BBOX1: variants seen among roughly 807,000 people sequenced by gnomAD.
BBOX1 encodes gamma-butyrobetaine hydroxylase 1.
A neutral mutation model predicts 41.6 loss-of-function variants in BBOX1; 35 were observed. That is an observed-to-expected ratio of 0.84 (90% CI 0.64 to 1.11). The LOEUF (loss-of-function observed/expected upper bound fraction) is 1.11, where lower values mean the gene tolerates loss of function less well. BBOX1 is among the 50% of genes most tolerant of loss of function. The pLI is 0.00. For missense variants in BBOX1, 458 were observed against 460.6 expected (o/e 0.99, Z 0.05); for synonymous variants, 163 against 154.7 (o/e 1.05, Z -0.40).
In BBOX1 at chr11:27,040,922, A is replaced by G. The variant is rs531238252; in HGVS notation, c.-408A>G. The G allele has an allele frequency of 7.9e-5, 12 of 152,268 alleles. No individual in the cohort carries two copies. In the East Asian group the frequency reaches 2.1e-3, roughly 27 times the overall value. The allele number at this position is 152,268 out of a possible 1,614,324, so 9.4% of individuals were successfully genotyped here. A position where few individuals can be genotyped will look rare whatever the true frequency, so the allele number is the denominator to read the frequency against. ...CATCTCAATGCCTCTGCCCTAAGTG[A>G]GTTGTGCAATAAATGAGCTGTCACT... On this transcript the variant is annotated 5_prime_UTR_variant, in exon 1 of 9. Transcript: ENST00000263182.
chr11:27,113,923 A>G (rs1045368144), intron 5 of BBOX1, among the ~76,000 whole-genome samples: 15 of 151,876 alleles, frequency 9.9e-5, no homozygotes, highest in Admixed American at 2.0e-4. Context: ...ATTAGACAAT[A>G]GAAATAAAGG....
At chr11:27,097,054 A>G (rs1333911416) in intron 5 of BBOX1, among the ~76,000 whole-genome samples, 1 of 152,054 alleles carries the variant, frequency 6.6e-6, no homozygotes, top group African/African-American at 2.4e-5. Flanking sequence ...CTTTCCTAGG[A>G]CAAAAGAATA....
intron 4 of BBOX1, among the ~76,000 whole-genome samples, chr11:27,082,415 G>C (rs1218821324): frequency 6.6e-6 from 1 of 152,134 alleles, no homozygotes; most frequent in Non-Finnish European, 1.5e-5. Flanking sequence ...GGATGTCATA[G>C]AGGAGAGTCA....
chr11:27,098,582 G>A (rs1466044638), intron 5 of BBOX1, among the ~76,000 whole-genome samples: 1 of 152,008 alleles, frequency 6.6e-6, no homozygotes. Flanking sequence ...AGCAATGCAT[G>A]GCTTTATCAT....
intron 2 of BBOX1, among the ~76,000 whole-genome samples, chr11:27,049,848 A>C (rs1851615498): frequency 6.6e-6 from 1 of 151,924 alleles, no homozygotes; most frequent in Non-Finnish European, 1.5e-5. Context: ...CTGTGCAGGG[A>C]TTTAATTCAA....
rs1856990417 is a variant in BBOX1 at position 27,056,724 on chromosome 11, A to G, written c.220-477A>G. Among the ~76,000 whole-genome samples the G allele has an allele frequency of 3.9e-5, 6 of 152,048 alleles. No individual in the cohort carries two copies. The South Asian group carries it at 1.2e-3, about 31-fold the overall frequency. On this transcript the variant is annotated intron_variant, in intron 3 of 8. Coordinates refer to ENST00000263182, the MANE Select transcript of BBOX1 (RefSeq NM_003986.3). Reference sequence around the variant, plus strand: ...TTTAAGGGCCTCAGACCTCAGATGTATTACTTTGGCTTCCTTGTTTTCCAA... The same window carrying G: ...TTTAAGGGCCTCAGACCTCAGATGTGTTACTTTGGCTTCCTTGTTTTCCAA...
chr11:27,105,782 A>G (rs916293840), intron 5 of BBOX1, among the ~76,000 whole-genome samples: 1 of 152,170 alleles, frequency 6.6e-6, no homozygotes, highest in African/African-American at 2.4e-5. Flanking sequence ...TCCAAGACAC[A>G]TAACTGTCAG....
chr11:27,124,292 C>T (rs771428831), intron 7 of BBOX1, among the ~76,000 whole-genome samples: 11 of 152,142 alleles, frequency 7.2e-5, no homozygotes, highest in Non-Finnish European at 1.2e-4. Context: ...ATCCTAGGTA[C>T]TTTGCCACCA....
At chr11:27,067,287 A>T (rs1299345924) in intron 4 of BBOX1, among the ~76,000 whole-genome samples, 1 of 152,106 alleles carries the variant, frequency 6.6e-6, no homozygotes, top group Non-Finnish European at 1.5e-5. Flanking sequence ...TGAATAGCAC[A>T]GTGGTGGAGT....
chr11:27,092,028 A>T (rs908140363), intron 4 of BBOX1, among the ~76,000 whole-genome samples: 20 of 152,046 alleles, frequency 1.3e-4, no homozygotes, highest in African/African-American at 4.8e-4. Flanking sequence ...GAAGAGCAAG[A>T]AGTGGCTCCG....
intron 4 of BBOX1, among the ~76,000 whole-genome samples, chr11:27,088,167 G>A (rs1025992853): frequency 6.6e-6 from 1 of 152,014 alleles, no homozygotes; most frequent in African/African-American, 2.4e-5. Context: ...GAAGTATGTA[G>A]TGTGTGCCCT....
At chr11:27,108,424 T>C (rs975990436) in intron 5 of BBOX1, among the ~76,000 whole-genome samples, 1 of 152,148 alleles carries the variant, frequency 6.6e-6, no homozygotes, top group East Asian at 1.9e-4. Context: ...TTAGAAGATA[T>C]TATGCATTCT....
At chr11:27,055,720 A>T in intron 3 of BBOX1, 71 bp downstream of exon 3, 1 of 1,416,178 alleles carries the variant, frequency 7.1e-7, no homozygotes, top group Non-Finnish European at 9.7e-7. Context: ...AATAATTTAG[A>T]TAACTCTTTT....
Position 27,055,384 on chromosome 11 carries a change from T to G in BBOX1, c.-38-9T>G. The stretch of plus-strand genomic sequence containing the variant: ...GCCTGAGATTCCTTTTAACACTGAT[T>G]TGTCATAGCAGGTAGCTGACAGCAT... On this transcript the variant is annotated splice_polypyrimidine_tract_variant and intron_variant, in intron 2 of 8. Transcript: ENST00000263182. The G allele has an allele frequency of 6.3e-7, 1 of 1,577,890 alleles. No individual in the cohort carries two copies. Among genetic ancestry groups the G allele is most frequent in the Non-Finnish European group, 8.7e-7 (1 of 1,151,004 alleles).
intron 4 of BBOX1, among the ~76,000 whole-genome samples, chr11:27,058,305 C>A (rs555398259): frequency 3.9e-5 from 6 of 152,176 alleles, no homozygotes; most frequent in Non-Finnish European, 7.4e-5. Flanking sequence ...GTATAGCCTG[C>A]AAAACCATGA....
intron 7 of BBOX1, among the ~76,000 whole-genome samples, chr11:27,120,057 A>C (rs1859409678): frequency 6.6e-6 from 1 of 152,166 alleles, no homozygotes; most frequent in Non-Finnish European, 1.5e-5. Flanking sequence ...GAGGAAAAGT[A>C]ACTAAGATTT....
At chr11:27,068,255 A>T (rs545886980) in intron 4 of BBOX1, among the ~76,000 whole-genome samples, 4 of 152,238 alleles carry the variant, frequency 2.6e-5, no homozygotes, top group African/African-American at 9.6e-5. Flanking sequence ...TGACTTTTTA[A>T]TAATAGCCAT....
intron 4 of BBOX1, among the ~76,000 whole-genome samples, chr11:27,077,795 T>A (rs1042263934): frequency 3.3e-5 from 5 of 152,134 alleles, no homozygotes; most frequent in African/African-American, 1.2e-4. Context: ...GTTAGGCTTA[T>A]GGAGGGAAAG....
Position 27,093,329 on chromosome 11 carries a change from G to C in BBOX1, c.496G>C (p.Gly166Arg). Residue 166 changes from glycine to arginine, a missense_variant, in exon 5 of 9, where the codon GGG becomes CGG. Gly to Arg is a moderately radical substitution (Grantham distance 125, BLOSUM62 -2). Transcript: ENST00000263182. ...SDKPGEVSKL[G>R]KRMGFLYLTF... ...CAAACCAGGAGAAGTTTCAAAACTTGGGAAAAGGATGGGTTTCCTCTATCT... is the reference window on the plus strand; with the variant it reads ...CAAACCAGGAGAAGTTTCAAAACTTCGGAAAAGGATGGGTTTCCTCTATCT... The C allele has an allele frequency of 6.2e-7, 1 of 1,612,396 alleles. No individual in the cohort carries two copies. The highest frequency in any genetic ancestry group is 8.5e-7 in the Non-Finnish European group (1 of 1,178,962).
Sources: gnomAD v4.1 joint callset for allele counts (sites outside exome capture counted in the v4.1 genomes callset) on GRCh38, gnomAD v4.1.1 for gene constraint, MANE v1.5 for transcripts, NCBI Gene and HGNC (gene_info 2026-07-23, HGNC 2026-07-21) for gene names.